SPATA6L: variants seen among roughly 807,000 people sequenced by gnomAD.
SPATA6L encodes spermatogenesis associated 6 like.
SPATA6L carries 68 observed loss-of-function variants against 49.2 expected under a neutral mutation model. That is an observed-to-expected ratio of 1.38 (90% CI 1.14 to 1.69). The LOEUF (loss-of-function observed/expected upper bound fraction) is 1.69. Among genes scored for constraint, SPATA6L ranks in the 40% most tolerant of loss-of-function variants. The probability of loss-of-function intolerance (pLI) is 0.00; values close to 1 mark genes in which losing one functional copy is unlikely to be tolerated. For synonymous variants in SPATA6L, 198 were observed against 165.7 expected (o/e 1.19, Z -1.50); for missense variants, 668 against 464.3 (o/e 1.44, Z -4.03).
intron 9 of SPATA6L, among the ~76,000 whole-genome samples, chr9:4,614,378 A>C (rs1267600636): frequency 2.6e-5 from 4 of 152,186 alleles, no homozygotes; most frequent in African/African-American, 9.6e-5. Flanking sequence ...GTATTAAGTT[A>C]GCAGAAAAGC....
intron 3 of SPATA6L, among the ~76,000 whole-genome samples, chr9:4,644,755 T>C (rs1043083805): frequency 1.1e-4 from 16 of 151,140 alleles, no homozygotes; most frequent in Admixed American, 8.6e-4. Flanking sequence ...AATCACCAGA[T>C]AGCTATACTG....
chr9:4,618,000 G>T lies in SPATA6L; in HGVS notation c.918C>A (p.Phe306Leu). Residue 306 changes from phenylalanine (F) to leucine (L), a missense_variant, in exon 9 of 12, where the codon TTC (phenylalanine) becomes TTA (leucine). By Grantham distance (22) the Phe-to-Leu change is conservative. Transcript: ENST00000682582. ...AGGTGGCAAATGAAGCTTTCCCGTG[G>T]AAATCAGCATCCCCTTGTTTACTGG... The part of the protein sequence containing the change: ...SSSSKQGDAD[F>L]HGKASFATYQ... 6.2e-7 allele frequency: 1 copy of T among 1,614,044 alleles called. No homozygotes were observed. Among genetic ancestry groups the T allele is most frequent in the South Asian group, 1.1e-5 (1 of 91,058 alleles).
At chr9:4,591,115 G>A (rs1821876076) in intron 13 of SPATA6L, among the ~76,000 whole-genome samples, 1 of 152,186 alleles carries the variant, frequency 6.6e-6, no homozygotes, top group Non-Finnish European at 1.5e-5. Context: ...TTTCCAAGGT[G>A]AAGGTAAGAC....
At chr9:4,656,856 G>A (rs1388532052) in intron 2 of SPATA6L, among the ~76,000 whole-genome samples, 1 of 152,142 alleles carries the variant, frequency 6.6e-6, no homozygotes, top group Non-Finnish European at 1.5e-5. Flanking sequence ...CTCTCTCCAA[G>A]CAATTGGTTG....
At chr9:4,636,832 C>T (rs1446045629) in intron 3 of SPATA6L, among the ~76,000 whole-genome samples, 2 of 152,184 alleles carry the variant, frequency 1.3e-5, no homozygotes, top group Non-Finnish European at 2.9e-5. Flanking sequence ...TCTTCCCACT[C>T]GTGTGCTCCC....
At chr9:4,663,296 T>A in intron 1 of SPATA6L, 1 of 1,591,706 alleles carries the variant, frequency 6.3e-7, no homozygotes, top group Non-Finnish European at 8.6e-7. Flanking sequence ...CCAGGAAGTC[T>A]GAAGGTTTCC....
At position 4,618,854 on chromosome 9, in the gene SPATA6L, C is replaced by T; in HGVS notation, c.807+10G>A. 6.2e-7 allele frequency: 1 copy of T among 1,610,352 alleles called. No homozygotes were observed. Among genetic ancestry groups the T allele is most frequent in the Non-Finnish European group, 8.5e-7 (1 of 1,177,620 alleles). On this transcript the variant is annotated intron_variant, in intron 8 of 11. Coordinates refer to ENST00000682582, the MANE Select transcript of SPATA6L (RefSeq NM_001353486.2). ...GTAAATCATTTTACAAATTCTACTT[C>T]TAAAATTACCTTTACGTTAGCTGCA...
At chr9:4,608,733 G>A (rs1429277448) in intron 9 of SPATA6L, among the ~76,000 whole-genome samples, 1 of 151,364 alleles carries the variant, frequency 6.6e-6, no homozygotes, top group Admixed American at 6.6e-5. Flanking sequence ...ACAATTAAAA[G>A]AACTAGAAAA....
At chr9:4,663,513 T>C in intron 1 of SPATA6L, 1 of 450,902 alleles carries the variant, frequency 2.2e-6, no homozygotes, top group Non-Finnish European at 4.1e-6. Flanking sequence ...CAACTGTTTA[T>C]GTTTCCAGGA....
intron 3 of SPATA6L, among the ~76,000 whole-genome samples, chr9:4,654,668 T>G (rs950078471): frequency 1.3e-5 from 2 of 152,132 alleles, no homozygotes; most frequent in Non-Finnish European, 2.9e-5. Flanking sequence ...GGAGATGGTT[T>G]TCCCCTGGAG....
At chr9:4,649,269 A>G (rs567280307) in intron 3 of SPATA6L, among the ~76,000 whole-genome samples, 1 of 152,278 alleles carries the variant, frequency 6.6e-6, no homozygotes, top group East Asian at 1.9e-4. Context: ...GGATCAAATG[A>G]TAGTTCTACT....
Position 4,618,838 on chromosome 9 carries a change from T to G in SPATA6L, c.807+26A>C. 3 of 1,601,616 alleles carry G rather than the reference T, an allele frequency of 1.9e-6. No homozygotes were observed. In the South Asian group the frequency reaches 3.3e-5, roughly 18 times the overall value. On this transcript the variant is annotated intron_variant, in intron 8 of 11. Transcript: ENST00000682582. ...CATAAGATATCTGGAAGTAAATCAT[T>G]TTACAAATTCTACTTCTAAAATTAC...
At position 4,662,679 on chromosome 9, in the gene SPATA6L, G is replaced by A; in HGVS notation, c.40-643C>T. 1 of 1,600,538 alleles carries A rather than the reference G, an allele frequency of 6.2e-7. No individual in the cohort carries two copies. Among genetic ancestry groups the A allele is most frequent in the Non-Finnish European group, 8.5e-7 (1 of 1,179,874 alleles). On this transcript the variant is annotated intron_variant, in intron 1 of 11. Coordinates refer to ENST00000682582, the MANE Select transcript of SPATA6L (RefSeq NM_001353486.2). The surrounding 1 kb of genome is among the most constrained non-coding windows in gnomAD (Gnocchi z 4.9). ...CTTGAACCCGTCCTTCCTGGGCATC[G>A]CCCTGCGCTCCCTGCTGGCCATCGA...
intron 11 of SPATA6L, among the ~76,000 whole-genome samples, chr9:4,603,584 T>TAACTTTTAG (rs1823916459): frequency 1.3e-5 from 2 of 152,230 alleles, no homozygotes; most frequent in African/African-American, 4.8e-5. Context: ...TGTGATTCCA[T>TAACTTTTAG]TGTATGGCAC....
chr9:4,653,765 C>CAAAACA (rs1020722734), intron 3 of SPATA6L, among the ~76,000 whole-genome samples: 8 of 152,060 alleles, frequency 5.3e-5, no homozygotes, highest in South Asian at 2.1e-4. Context: ...CCTGTCTCTA[C>CAAAACA]AAAACAAAAA....
At chr9:4,615,186 C>G (rs1385096209) in intron 9 of SPATA6L, among the ~76,000 whole-genome samples, 1 of 152,232 alleles carries the variant, frequency 6.6e-6, no homozygotes, top group Admixed American at 6.5e-5. Context: ...AAGTACCACC[C>G]TTCTTCTTTA....
chr9:4,606,775 T>G (rs376777279), intron 9 of SPATA6L, among the ~76,000 whole-genome samples: 1,661 of 145,168 alleles, frequency 0.011, 35 homozygotes, highest in Middle Eastern at 0.025. Flanking sequence ...TCACCAGCAA[T>G]GGAACAAAGC....
intron 9 of SPATA6L, among the ~76,000 whole-genome samples, chr9:4,606,915 A>G (rs1171967602): frequency 7.0e-6 from 1 of 142,730 alleles, no homozygotes; most frequent in Non-Finnish European, 1.5e-5. Context: ...AGAAGAATGT[A>G]TAACTAGAAT....
At chr9:4,643,879 T>C (rs1049099694) in intron 3 of SPATA6L, among the ~76,000 whole-genome samples, 1 of 151,958 alleles carries the variant, frequency 6.6e-6, no homozygotes, top group Non-Finnish European at 1.5e-5. Context: ...CATTGGCAGG[T>C]GCCCATAATT....
Sources: gnomAD v4.1 joint callset for allele counts (sites outside exome capture counted in the v4.1 genomes callset) on GRCh38, gnomAD v4.1.1 for gene constraint, Gnocchi (gnomAD v3.1) non-coding constraint, MANE v1.5 for transcripts, NCBI Gene and HGNC (gene_info 2026-07-23, HGNC 2026-07-21) for gene names.